Variants in ITGA1 observed in about 807,000 individuals in gnomAD.
ITGA1 encodes the protein integrin alpha-1.
Under a neutral mutation model 145.9 loss-of-function variants are expected in ITGA1, and 85 were observed. The observed-to-expected ratio is 0.58, with a 90% CI of 0.49 to 0.70. The LOEUF (loss-of-function observed/expected upper bound fraction) is 0.70, where lower values mean the gene tolerates loss of function less well. ITGA1 is among the 30% of genes least tolerant of loss of function. The probability of loss-of-function intolerance (pLI) is 0.00; values close to 1 mark genes in which losing one functional copy is unlikely to be tolerated. For synonymous variants in ITGA1, 520 were observed against 495.3 expected (o/e 1.05, Z -0.66); for missense variants, 1,351 against 1,418.7 (o/e 0.95, Z 0.77).
chr5:52,819,639 T>C (rs1748835321), intron 1 of ITGA1, among the ~76,000 whole-genome samples: 4 of 152,124 alleles, frequency 2.6e-5, no homozygotes, highest in Non-Finnish European at 5.9e-5. Flanking sequence ...TGTGCAGAAG[T>C]TCTTTAGTTT....
intron 1 of ITGA1, among the ~76,000 whole-genome samples, chr5:52,808,794 A>G: frequency 6.7e-6 from 1 of 148,772 alleles, no homozygotes; most frequent in Middle Eastern, 3.4e-3. Flanking sequence ...GGAACTTTAT[A>G]TATCATCGGA....
At chr5:52,865,232 T>A (rs1749668855) in intron 5 of ITGA1, 150 bp downstream of exon 5, 1 of 596,012 alleles carries the variant, frequency 1.7e-6, no homozygotes, top group Non-Finnish European at 2.9e-6. Flanking sequence ...TGCCAGTATA[T>A]AACAAAATCT....
intron 23 of ITGA1, 25 bp from the exon 24 acceptor site, chr5:52,937,376 T>C: frequency 7.0e-7 from 1 of 1,427,872 alleles, no homozygotes; most frequent in Non-Finnish European, 9.9e-7. Flanking sequence ...GGAAGAAAGA[T>C]TACATTTCCA....
chr5:52,816,084 C>T (rs1748763456), intron 1 of ITGA1, among the ~76,000 whole-genome samples: 1 of 152,054 alleles, frequency 6.6e-6, no homozygotes, highest in Admixed American at 6.5e-5. Context: ...AGTTTCCTCA[C>T]CTGCAAACTA....
At chr5:52,819,212 G>A (rs1379236097) in intron 1 of ITGA1, among the ~76,000 whole-genome samples, 1 of 152,160 alleles carries the variant, frequency 6.6e-6, no homozygotes, top group Non-Finnish European at 1.5e-5. Flanking sequence ...GATCCCTGAG[G>A]AATCACCACA....
intron 18 of ITGA1, among the ~76,000 whole-genome samples, chr5:52,923,597 C>G (rs1055647123): frequency 2.0e-5 from 3 of 152,172 alleles, no homozygotes; most frequent in Non-Finnish European, 4.4e-5. Flanking sequence ...CCCATGCACA[C>G]ATAACCCTAA....
Position 52,939,641 on chromosome 5 carries a change from G to A in ITGA1, c.3130G>A (p.Gly1044Arg). Residue 1044 changes from glycine (G) to arginine (R), a missense_variant, in exon 25 of 29, where the codon GGA becomes AGA. Physicochemically the swap from Gly to Arg is moderately radical, Grantham distance 125. Coordinates refer to ENST00000282588, the MANE Select transcript of ITGA1 (RefSeq NM_181501.2). Reference sequence around the variant, plus strand: ...TGAGGATCCTTTCAGTATCAACTCTGGAAAGAAAATGACTACATCAACTGA... The same window carrying A: ...TGAGGATCCTTTCAGTATCAACTCTAGAAAGAAAATGACTACATCAACTGA... Reference protein sequence around the residue: ...IFEDPFSINSGKKMTTSTDHL... With the variant: ...IFEDPFSINSRKKMTTSTDHL... 1.2e-6 allele frequency: 2 copies of A among 1,613,556 alleles called. No individual in the cohort carries two copies. Among genetic ancestry groups the A allele is most frequent in the Non-Finnish European group, 1.7e-6 (2 of 1,179,632 alleles).
intron 1 of ITGA1, among the ~76,000 whole-genome samples, chr5:52,790,431 C>A (rs986611408): frequency 4.6e-5 from 7 of 152,182 alleles, no homozygotes; most frequent in African/African-American, 1.7e-4. Flanking sequence ...TTGTACAGTT[C>A]TGTAGGTCAG....
intron 2 of ITGA1, among the ~76,000 whole-genome samples, chr5:52,853,719 A>T (rs1274739949): frequency 6.6e-6 from 1 of 152,210 alleles, no homozygotes; most frequent in Non-Finnish European, 1.5e-5. Context: ...ATGCTTTCTC[A>T]GTAGCAGAAC....
At chr5:52,862,530 T>A (rs927825636) in intron 3 of ITGA1, among the ~76,000 whole-genome samples, 7 of 152,198 alleles carry the variant, frequency 4.6e-5, no homozygotes, top group Non-Finnish European at 8.8e-5. Flanking sequence ...TTTTTCAGAA[T>A]TCTTTCTAAT....
intron 6 of ITGA1, among the ~76,000 whole-genome samples, chr5:52,869,942 C>T (rs956997658): frequency 6.6e-6 from 1 of 151,934 alleles, no homozygotes; most frequent in South Asian, 2.1e-4. Flanking sequence ...TGCTAAATAA[C>T]ATTTAATAGG....
chr5:52,832,046 G>T (rs1862610), intron 1 of ITGA1, among the ~76,000 whole-genome samples: 107,620 of 151,852 alleles, frequency 0.71, 38,823 homozygotes, highest in Middle Eastern at 0.79. Flanking sequence ...TTGTCTGGGG[G>T]CTCATTACTG....
intron 11 of ITGA1, among the ~76,000 whole-genome samples, chr5:52,901,240 A>G (rs1277263622): frequency 6.6e-6 from 1 of 152,178 alleles, no homozygotes; most frequent in African/African-American, 2.4e-5. Flanking sequence ...AAAACTGTAG[A>G]TGGCTCTAGA....
chr5:52,896,460 C>A (rs1033407194), intron 9 of ITGA1, among the ~76,000 whole-genome samples: 5 of 152,274 alleles, frequency 3.3e-5, no homozygotes, highest in African/African-American at 1.2e-4. Context: ...TATTTGAATT[C>A]TTCACTGCCG....
chr5:52,898,731 C>T (rs955026018), intron 11 of ITGA1, among the ~76,000 whole-genome samples: 7 of 152,184 alleles, frequency 4.6e-5, no homozygotes, highest in African/African-American at 1.7e-4. Flanking sequence ...GAAAAGGAAA[C>T]CTCGACTTCT....
At chr5:52,919,018 C>A (rs2279586) in intron 16 of ITGA1, 120 bp downstream of exon 16, 56,644 of 854,878 alleles carry the variant, frequency 0.066, 3,111 homozygotes, top group Admixed American at 0.24. Flanking sequence ...TCATATTTGC[C>A]CCAGTGAAGA....
At chr5:52,814,335 G>A (rs1024288457) in intron 1 of ITGA1, among the ~76,000 whole-genome samples, 29 of 151,864 alleles carry the variant, frequency 1.9e-4, no homozygotes, top group African/African-American at 5.8e-4. Flanking sequence ...GCGGGTTTTC[G>A]CCATGTTGAC....
intron 14 of ITGA1, among the ~76,000 whole-genome samples, chr5:52,912,040 A>G (rs941112856): frequency 2.0e-4 from 27 of 136,912 alleles, no homozygotes; most frequent in Non-Finnish European, 4.0e-4. Context: ...TCTACTATAT[A>G]TACTATATAT....
chr5:52,831,281 C>T lies in ITGA1; in HGVS notation c.62-18084C>T, dbSNP rs563329995. On this transcript the variant is annotated intron_variant, in intron 1 of 28. Coordinates refer to ENST00000282588, the MANE Select transcript of ITGA1 (RefSeq NM_181501.2). The stretch of plus-strand genomic sequence containing the variant: ...CCGAGTAGCTGGGATTACAGACGTG[C>T]ACCACCACACCTCGGCTAATTTTTG... Among the ~76,000 whole-genome samples, 8 of 152,076 alleles carry T rather than the reference C, an allele frequency of 5.3e-5. 1 individual carries two copies. In the South Asian group the frequency reaches 1.7e-3, roughly 32 times the overall value.
Sources: allele counts gnomAD v4.1 joint callset (sites outside exome capture counted in the v4.1 genomes callset), GRCh38; gene constraint gnomAD v4.1.1; transcripts MANE v1.5; gene names NCBI Gene and HGNC (gene_info 2026-07-23, HGNC 2026-07-21).